Variants in AFAP1 observed in about 807,000 individuals in gnomAD.
AFAP1 encodes actin filament-associated protein 1.
AFAP1 carries 75 observed loss-of-function variants against 93.9 expected under a neutral mutation model. The observed-to-expected ratio is 0.80, with a 90% CI of 0.66 to 0.97. The LOEUF is 0.97. AFAP1 is among the 50% of genes least tolerant of loss of function. The pLI is 0.00. For synonymous variants in AFAP1, 517 were observed against 430.7 expected (o/e 1.20, Z -2.48); for missense variants, 1,201 against 1,050.8 (o/e 1.14, Z -1.98).
intron 6 of AFAP1, among the ~76,000 whole-genome samples, chr4:7,822,784 G>A (rs1375164907): frequency 2.7e-5 from 4 of 147,720 alleles, no homozygotes; most frequent in East Asian, 4.0e-4. Context: ...TAGTAGAGAC[G>A]GGGTTTCACC....
rs972647255 is a variant in AFAP1 at position 7,939,730 on chromosome 4, C to T, written c.-77G>A. On this transcript the variant is annotated 5_prime_UTR_variant, in exon 1 of 18. Coordinates refer to ENST00000420658, the MANE Select transcript of AFAP1 (RefSeq NM_001134647.2). This position sits in a 1 kb window ranked among gnomAD's most constrained non-coding sequence, Gnocchi z 5.6. ...GACTGGAGCGCAGCTGAACAGCCGA[C>T]AGAGCCGCAGCCGCCTTAACAATGG... 16 of 412,526 alleles carry T rather than the reference C, an allele frequency of 3.9e-5. No individual in the cohort carries two copies. Among genetic ancestry groups the T allele is most frequent in the African/African-American group, 8.8e-5 (4 of 45,662 alleles). 25.6% of individuals were successfully genotyped at this position (412,526 alleles called of 1,614,324 possible).
At chr4:7,834,915 G>A (rs1712103353) in intron 6 of AFAP1, among the ~76,000 whole-genome samples, 1 of 151,344 alleles carries the variant, frequency 6.6e-6, no homozygotes, top group South Asian at 2.1e-4. Context: ...ACTGCGGGCA[G>A]CCTTAAGGTT....
At chr4:7,768,166 CCA>C (rs1714886324) in intron 17 of AFAP1, among the ~76,000 whole-genome samples, 1 of 152,270 alleles carries the variant, frequency 6.6e-6, no homozygotes, top group Non-Finnish European at 1.5e-5. Context: ...GCGGGGCCGG[CCA>C]CACTCCTGTG....
chr4:7,827,638 C>T (rs1428290602), intron 6 of AFAP1, among the ~76,000 whole-genome samples: 1 of 146,554 alleles, frequency 6.8e-6, no homozygotes, highest in Non-Finnish European at 1.5e-5. Context: ...AAAAGCTTCC[C>T]CAAGTGAAGC....
chr4:7,782,635 A>G (rs1260742599), intron 12 of AFAP1, among the ~76,000 whole-genome samples: 2 of 152,202 alleles, frequency 1.3e-5, no homozygotes, highest in African/African-American at 4.8e-5. Context: ...TCAGGGGTAA[A>G]GGTCTTTATA....
At chr4:7,812,279 C>T (rs1184904881) in intron 8 of AFAP1, among the ~76,000 whole-genome samples, 1 of 152,042 alleles carries the variant, frequency 6.6e-6, no homozygotes, top group African/African-American at 2.4e-5. Context: ...AAGAGGTATC[C>T]CCCACAGATA....
chr4:7,863,641 C>A (rs1474015982), intron 3 of AFAP1, among the ~76,000 whole-genome samples: 1 of 152,136 alleles, frequency 6.6e-6, no homozygotes, highest in Non-Finnish European at 1.5e-5. Context: ...CCTGCAAGCA[C>A]TTCCAAAGAC....
intron 17 of AFAP1, among the ~76,000 whole-genome samples, chr4:7,766,226 G>A (rs193027598): frequency 2.0e-5 from 3 of 152,126 alleles, no homozygotes; most frequent in Non-Finnish European, 4.4e-5. Flanking sequence ...GGTACGCTTC[G>A]TGCCTTCTTG....
intron 3 of AFAP1, among the ~76,000 whole-genome samples, chr4:7,860,704 C>T (rs1463675845): frequency 6.6e-6 from 1 of 152,190 alleles, no homozygotes; most frequent in Non-Finnish European, 1.5e-5. Context: ...GCACGGCATC[C>T]GTTGCTCCTG....
chr4:7,837,413 G>A (rs891851343), intron 6 of AFAP1, among the ~76,000 whole-genome samples: 2 of 152,104 alleles, frequency 1.3e-5, no homozygotes, highest in Non-Finnish European at 2.9e-5. Context: ...TGTCCCTTCC[G>A]CCACATGAGG....
intron 7 of AFAP1, among the ~76,000 whole-genome samples, chr4:7,817,563 C>T (rs138678160): frequency 0.012 from 1,879 of 152,108 alleles, 15 homozygotes; most frequent in Non-Finnish European, 0.017. Flanking sequence ...TGCACTCCAG[C>T]CTGGGCAACA....
rs369244236 is a variant in AFAP1 at position 7,819,137 on chromosome 4, G to A, written c.761C>T (p.Pro254Leu). 6.2e-7 allele frequency: 1 copy of A among 1,613,618 alleles called. No homozygotes were observed. The highest frequency in any genetic ancestry group is 8.5e-7 in the Non-Finnish European group (1 of 1,179,824). ...TGGAGGAGGACACTCTGAATCCACG[G>A]GGCCACTACAACCACTGTAGGCTTC... ...IKEAYSGCSG[P>L]VDSECPPPPS... is the part of the protein sequence containing the mutation. The change falls in exon 7 of 18, where the codon CCC (proline) becomes CTC (leucine). Residue 254 changes from proline to leucine, a missense_variant. Physicochemically the swap from Pro to Leu is moderately conservative, Grantham distance 98. Coordinates refer to ENST00000420658, the MANE Select transcript of AFAP1 (RefSeq NM_001134647.2).
At chr4:7,764,773 A>G (rs757253) in intron 17 of AFAP1, among the ~76,000 whole-genome samples, 26,241 of 152,018 alleles carry the variant, frequency 0.17, 3,193 homozygotes, top group East Asian at 0.42. Context: ...CTGGTCTGAC[A>G]ACAGCCCTGC....
chr4:7,822,886 C>A (rs2149078063), intron 6 of AFAP1, among the ~76,000 whole-genome samples: 1 of 149,776 alleles, frequency 6.7e-6, no homozygotes, highest in African/African-American at 2.5e-5. Flanking sequence ...AGCCACTGCG[C>A]CCGGCCCCTC....
chr4:7,855,213 T>C (rs1390383379), intron 4 of AFAP1, among the ~76,000 whole-genome samples: 3 of 152,228 alleles, frequency 2.0e-5, no homozygotes, highest in Non-Finnish European at 4.4e-5. Context: ...CTGATACCTG[T>C]TGCCACAGCA....
At chr4:7,897,917 C>T (rs1379898000) in intron 1 of AFAP1, among the ~76,000 whole-genome samples, 1 of 152,132 alleles carries the variant, frequency 6.6e-6, no homozygotes. Flanking sequence ...ATAACCCACT[C>T]CTCCCATAGT....
In AFAP1 at chr4:7,852,941, G is replaced by T. The variant is rs28373141; in HGVS notation, c.334+2525C>A. ...TGTGACCCAAATGTTGGACAAAGGG[G>T]CTCTGTCTCCTCTGCGGGGAGTTGG... On this transcript the variant is annotated intron_variant, in intron 4 of 17. Transcript: ENST00000420658. 5.7e-3 allele frequency among the ~76,000 whole-genome samples: 874 copies of T among 152,286 alleles called. 5 individuals carry two copies. Among genetic ancestry groups the T allele is most frequent in the African/African-American group, 0.018 (767 of 41,546 alleles).
chr4:7,766,962 G>A (rs1252367927), intron 17 of AFAP1, among the ~76,000 whole-genome samples: 5 of 151,918 alleles, frequency 3.3e-5, no homozygotes, highest in African/African-American at 4.8e-5. Flanking sequence ...CCCACATCCG[G>A]AATACGTCAG....
chr4:7,925,785 T>C lies in AFAP1; in HGVS notation c.-3+13871A>G, dbSNP rs1197840989. 2.6e-5 allele frequency among the ~76,000 whole-genome samples: 4 copies of C among 151,744 alleles called. No individual in the cohort carries two copies. In the South Asian group the frequency reaches 8.3e-4, roughly 32 times the overall value. ...GCTTGAACCTGGGAAGCAGAGGTTA[T>C]GGTGAGTGGAGATCGTGCCCATGCA... On this transcript the variant is annotated intron_variant, in intron 1 of 17. Transcript: ENST00000420658.
Sources: gnomAD v4.1 joint callset for allele counts (sites outside exome capture counted in the v4.1 genomes callset) on GRCh38, gnomAD v4.1.1 for gene constraint, Gnocchi (gnomAD v3.1) non-coding constraint, MANE v1.5 for transcripts, NCBI Gene and HGNC (gene_info 2026-07-23, HGNC 2026-07-21) for gene names.